Variants in NALCN observed in about 807,000 individuals in gnomAD.
The protein encoded by NALCN is sodium leak channel NALCN.
A neutral mutation model predicts 225.3 loss-of-function variants in NALCN; 111 were observed. The ratio of observed to expected loss-of-function variants is 0.49; its 90% CI spans 0.42 to 0.58. The LOEUF is 0.58. Among genes scored for constraint, NALCN ranks in the 20% least tolerant of loss-of-function variants. The pLI is 0.00. For synonymous variants in NALCN, 764 were observed against 769.0 expected (o/e 0.99, Z 0.11); for missense variants, 1,378 against 2,202.4 (o/e 0.63, Z 7.49).
chr13:101,148,588 C>T (rs1038396682), intron 15 of NALCN, among the ~76,000 whole-genome samples: 4 of 152,200 alleles, frequency 2.6e-5, no homozygotes, highest in African/African-American at 9.7e-5. Flanking sequence ...TATTGTGTGA[C>T]CCCTTGCACA....
rs1478196311 is a variant in NALCN at position 101,303,215 on chromosome 13, T to C, written c.800-10849A>G. On this transcript the variant is annotated intron_variant, in intron 7 of 43. Transcript: ENST00000251127. ...AACCAGAAGTCAAAAAAGCTTCGTT[T>C]TGATTTAAGATATAGATCAAAAATA... is the stretch of plus-strand genomic sequence containing the variant. 2.6e-5 allele frequency among the ~76,000 whole-genome samples: 4 copies of C among 152,216 alleles called. No individual in the cohort carries two copies. The East Asian group carries it at 7.7e-4, about 29-fold the overall frequency.
At chr13:101,211,143 T>A (rs2040507600) in intron 13 of NALCN, among the ~76,000 whole-genome samples, 2 of 152,200 alleles carry the variant, frequency 1.3e-5, no homozygotes, top group Non-Finnish European at 2.9e-5. Context: ...AAGCTCATTA[T>A]AATGGAATGA....
chr13:101,219,713 A>G (rs1410713749), intron 13 of NALCN, among the ~76,000 whole-genome samples: 1 of 152,160 alleles, frequency 6.6e-6, no homozygotes, highest in African/African-American at 2.4e-5. Flanking sequence ...CAGATTGACA[A>G]AATATTTATA....
chr13:101,235,911 G>T (rs1248745875), intron 12 of NALCN, among the ~76,000 whole-genome samples: 2 of 152,058 alleles, frequency 1.3e-5, no homozygotes, highest in South Asian at 2.1e-4. Context: ...TAATATTTTG[G>T]TATTACTAAT....
At chr13:101,171,169 C>T (rs1043777319) in intron 15 of NALCN, among the ~76,000 whole-genome samples, 1 of 151,220 alleles carries the variant, frequency 6.6e-6, no homozygotes, top group Non-Finnish European at 1.5e-5. Flanking sequence ...CATGCAGAAA[C>T]AATGTTTTAT....
intron 7 of NALCN, among the ~76,000 whole-genome samples, chr13:101,303,786 G>A (rs2044055443): frequency 6.6e-6 from 1 of 152,108 alleles, no homozygotes; most frequent in East Asian, 1.9e-4. Flanking sequence ...AGCTCATTTG[G>A]CCAGCAATCA....
At chr13:101,124,813 A>ACAATTC in intron 17 of NALCN, 132 bp from the exon 18 acceptor site, 1 of 835,890 alleles carries the variant, frequency 1.2e-6, no homozygotes, top group South Asian at 1.7e-5. Flanking sequence ...CGTACAATTG[A>ACAATTC]CAATTCTTGT....
At chr13:101,220,675 C>A (rs546475723) in intron 13 of NALCN, among the ~76,000 whole-genome samples, 1 of 152,150 alleles carries the variant, frequency 6.6e-6, no homozygotes, top group Admixed American at 6.5e-5. Flanking sequence ...AATAATCAGG[C>A]AAAATGGTGC....
chr13:101,129,884 G>A (rs1341703772), intron 17 of NALCN, among the ~76,000 whole-genome samples: 6 of 139,838 alleles, frequency 4.3e-5, no homozygotes, highest in African/African-American at 7.8e-5. Context: ...CCCCCACCCC[G>A]ATAGCACCCA....
At chr13:101,304,979 T>A (rs1201112138) in intron 7 of NALCN, among the ~76,000 whole-genome samples, 1 of 151,754 alleles carries the variant, frequency 6.6e-6, no homozygotes, top group Non-Finnish European at 1.5e-5. Flanking sequence ...CTGGTCTTGA[T>A]CTCCTGACCT....
intron 13 of NALCN, among the ~76,000 whole-genome samples, chr13:101,220,010 A>T (rs1037796512): frequency 2.0e-5 from 3 of 152,184 alleles, no homozygotes; most frequent in Non-Finnish European, 4.4e-5. Context: ...CACCTGGTAA[A>T]TAGTGCTGAA....
intron 7 of NALCN, among the ~76,000 whole-genome samples, chr13:101,311,557 T>C (rs1468884997): frequency 6.6e-6 from 1 of 151,522 alleles, no homozygotes; most frequent in Non-Finnish European, 1.5e-5. Context: ...TTATTGAGAG[T>C]TTTTAGCATG....
chr13:101,208,976 A>G (rs1028736097), intron 13 of NALCN, among the ~76,000 whole-genome samples: 2 of 152,140 alleles, frequency 1.3e-5, no homozygotes, highest in Admixed American at 1.3e-4. Flanking sequence ...GTGTTTGCCC[A>G]TTCATCTGTC....
chr13:101,397,070 A>T (rs1390641338), intron 2 of NALCN, among the ~76,000 whole-genome samples: 24 of 39,270 alleles, frequency 6.1e-4, no homozygotes, highest in African/African-American at 5.6e-3. Flanking sequence ...AATGTATTAT[A>T]TATATATATA....
chr13:101,345,675 T>TA (rs2045696056), intron 6 of NALCN, among the ~76,000 whole-genome samples: 2 of 135,630 alleles, frequency 1.5e-5, no homozygotes, highest in East Asian at 4.2e-4. Flanking sequence ...ACCTTTGCTC[T>TA]TTCTATCTAT....
chr13:101,113,119 T>C (rs1229485408), intron 18 of NALCN, among the ~76,000 whole-genome samples: 2 of 152,214 alleles, frequency 1.3e-5, no homozygotes, highest in African/African-American at 4.8e-5. Flanking sequence ...TTTCATTTAC[T>C]AAACAGCATG....
intron 17 of NALCN, among the ~76,000 whole-genome samples, chr13:101,139,391 T>C (rs986190019): frequency 2.0e-5 from 3 of 152,226 alleles, no homozygotes; most frequent in Non-Finnish European, 2.9e-5. Flanking sequence ...TTCACTATTT[T>C]CCCTGGAAAG....
intron 6 of NALCN, among the ~76,000 whole-genome samples, chr13:101,346,087 C>CTCTCTCTCTCTCTCTA: frequency 2.3e-3 from 160 of 70,948 alleles, no homozygotes; most frequent in Admixed American, 7.4e-3. Context: ...CTCTCTCTCT[C>CTCTCTCTCTCTCTCTA]TATATATATA....
chr13:101,349,620 A>C (rs1308866892), intron 6 of NALCN, among the ~76,000 whole-genome samples: 1 of 140,826 alleles, frequency 7.1e-6, no homozygotes, highest in East Asian at 2.2e-4. Flanking sequence ...GTTTGTCCAT[A>C]TTTCTTAGGC....
Sources: gnomAD v4.1 joint callset for allele counts (sites outside exome capture counted in the v4.1 genomes callset) on GRCh38, gnomAD v4.1.1 for gene constraint, MANE v1.5 for transcripts, NCBI Gene and HGNC (gene_info 2026-07-23, HGNC 2026-07-21) for gene names.